Variants in PLXND1 observed in about 807,000 individuals in gnomAD.
PLXND1 encodes the protein plexin-D1.
PLXND1 carries 54 observed loss-of-function variants against 197.7 expected under a neutral mutation model. That is an observed-to-expected ratio of 0.27 (90% CI 0.22 to 0.34). PLXND1 has a LOEUF of 0.34. Ranked by LOEUF, PLXND1 falls within the 10% of genes least tolerant of loss-of-function variation. PLXND1 has a pLI of 1.00. For missense variants in PLXND1, 2,127 were observed against 2,699.2 expected, an observed-to-expected ratio of 0.79 and a Z score of 4.70; for synonymous variants, 1,180 against 1,161.2, an observed-to-expected ratio of 1.02 and a Z score of -0.33.
chr3:129,602,477 C>T (rs73863650), intron 1 of PLXND1, among the ~76,000 whole-genome samples: 1,970 of 152,320 alleles, frequency 0.013, 29 homozygotes, highest in African/African-American at 0.045. Context: ...TCTCCCTTTG[C>T]GGCACGCATT....
intron 8 of PLXND1, among the ~76,000 whole-genome samples, chr3:129,582,093 C>T (rs2085395822): frequency 6.6e-6 from 1 of 152,270 alleles, no homozygotes; most frequent in Admixed American, 6.5e-5. Flanking sequence ...GGGCTCTCCT[C>T]CAGTGCTGGA....
chr3:129,597,958 G>A (rs186880500), intron 1 of PLXND1, among the ~76,000 whole-genome samples: 5 of 152,234 alleles, frequency 3.3e-5, no homozygotes, highest in African/African-American at 9.6e-5. Context: ...TGGGGGCTCC[G>A]GGTGAGCGCC....
chr3:129,585,913 C>T, intron 5 of PLXND1, 39 bp downstream of exon 5: 1 of 1,612,488 alleles, frequency 6.2e-7, no homozygotes, highest in Non-Finnish European at 8.5e-7. Flanking sequence ...GGAGGCTCCC[C>T]TGTGTCCCGA....
At chr3:129,564,328 C>T (rs1463275008) in intron 25 of PLXND1, among the ~76,000 whole-genome samples, 1 of 152,254 alleles carries the variant, frequency 6.6e-6, no homozygotes, top group African/African-American at 2.4e-5. Flanking sequence ...CACAGCTGGG[C>T]TGTGCCAAAG....
Position 129,561,866 on chromosome 3 carries a change from C to T in PLXND1, c.4863G>A (p.Arg1621=). The change falls in exon 28 of 36, where the codon CGG becomes CGA. Residue 1621 remains arginine, a synonymous_variant. Coordinates refer to ENST00000324093, the MANE Select transcript of PLXND1 (RefSeq NM_015103.3). ...FASSTQSYIL[R]DLDDTSVVED... ...CCACCACTGAGGTGTCGTCCAGGTC[C>T]CGAAGGATGTAGCTCTGTGTGCTGG... 1 of 1,613,976 alleles carries T rather than the reference C, an allele frequency of 6.2e-7. No individual in the cohort carries two copies. Among genetic ancestry groups the T allele is most frequent in the Non-Finnish European group, 8.5e-7 (1 of 1,179,938 alleles).
intron 1 of PLXND1, among the ~76,000 whole-genome samples, chr3:129,594,394 G>A (rs2085590628): frequency 6.6e-6 from 1 of 152,188 alleles, no homozygotes; most frequent in African/African-American, 2.4e-5. Context: ...GGACGTGGAA[G>A]GATCGCCTGA....
chr3:129,592,692 A>G (rs2085562660), intron 1 of PLXND1, among the ~76,000 whole-genome samples: 1 of 149,732 alleles, frequency 6.7e-6, no homozygotes, highest in Admixed American at 6.7e-5. Flanking sequence ...CCTTTCCCCC[A>G]GCGTTTTTTC....
rs1011642987 is a variant in PLXND1 at position 129,558,651 on chromosome 3, A to G, written c.5298-76T>C. Reference sequence around the variant, plus strand: ...GTCGAGGGACAGTTGTGGAGGAGAGAGCTGGCTTTGTCCCTCAAGGGCCTG... The same window carrying G: ...GTCGAGGGACAGTTGTGGAGGAGAGGGCTGGCTTTGTCCCTCAAGGGCCTG... On this transcript the variant is annotated intron_variant, in intron 32 of 35. Transcript: ENST00000324093. This position sits in a 1 kb window ranked among gnomAD's most constrained non-coding sequence, Gnocchi z 4.1. 80 of 1,453,094 alleles carry G rather than the reference A, an allele frequency of 5.5e-5. No individual in the cohort carries two copies. The highest frequency in any genetic ancestry group is 1.8e-5 in the Admixed American group (1 of 56,714). The allele number at this position is 1,453,094 out of a possible 1,614,324, so 90.0% of individuals were successfully genotyped here.
chr3:129,564,570 C>T (rs1251198861), intron 25 of PLXND1, among the ~76,000 whole-genome samples: 2 of 152,242 alleles, frequency 1.3e-5, no homozygotes, highest in African/African-American at 2.4e-5. Flanking sequence ...ATCCTCCAGG[C>T]AGCCCTCTAG....
At position 129,565,886 on chromosome 3, in the gene PLXND1, C is replaced by T; in HGVS notation, c.4322+1G>A. The T allele has an allele frequency of 6.2e-7, 1 of 1,614,018 alleles. No homozygotes were observed. The highest frequency in any genetic ancestry group is 2.2e-5 in the East Asian group (1 of 44,884). ...CCCACCCCAGTCTGTCACAGCCTGA[C>T]CTGTCGCGCACCGCAAAGTCCTTCT... On this transcript the variant is annotated splice_donor_variant, in intron 24 of 35. Transcript: ENST00000324093. LOFTEE classifies it high-confidence loss of function.
At chr3:129,562,101 C>T (rs6439186) in intron 27 of PLXND1, among the ~76,000 whole-genome samples, 198 bp from the exon 28 acceptor site, 22,163 of 151,968 alleles carry the variant, frequency 0.15, 1,892 homozygotes, top group African/African-American at 0.24. Context: ...TGTGAGGGTA[C>T]AAAGAGAAGG....
At chr3:129,589,326 T>G in intron 2 of PLXND1, 25 bp downstream of exon 2, 9 of 466,580 alleles carry the variant, frequency 1.9e-5, no homozygotes, top group Non-Finnish European at 3.3e-5. Context: ...CCCCACCCCC[T>G]CCCCACATCC....
chr3:129,580,155 C>T (rs761130733), intron 8 of PLXND1, among the ~76,000 whole-genome samples: 1 of 152,160 alleles, frequency 6.6e-6, no homozygotes, highest in Admixed American at 6.5e-5. Context: ...CAGGAAGGCT[C>T]CAGTTGTCCA....
chr3:129,559,890 G>A, intron 31 of PLXND1, 107 bp from the exon 32 acceptor site: 1 of 968,742 alleles, frequency 1.0e-6, no homozygotes. Flanking sequence ...GCTGAATGAG[G>A]AAGCCACATG....
At chr3:129,592,270 C>T (rs763023359) in intron 1 of PLXND1, among the ~76,000 whole-genome samples, 3 of 152,212 alleles carry the variant, frequency 2.0e-5, no homozygotes, top group African/African-American at 7.2e-5. Flanking sequence ...AGCAATCCTG[C>T]AGCTGCAGGG....
chr3:129,560,024 C>T (rs752009606), intron 31 of PLXND1, among the ~76,000 whole-genome samples: 11 of 152,208 alleles, frequency 7.2e-5, no homozygotes, highest in East Asian at 1.9e-4. Context: ...TGTGGGGTGC[C>T]GGCGCTGCCA....
Position 129,558,554 on chromosome 3 carries a change from C to T in PLXND1, c.5319G>A (p.Val1773=), listed in dbSNP as rs1326590752. 6.2e-7 allele frequency: 1 copy of T among 1,613,964 alleles called. No individual in the cohort carries two copies. The highest frequency in any genetic ancestry group is 8.5e-7 in the Non-Finnish European group (1 of 1,179,958). The change falls in exon 33 of 36, where the codon GTG becomes GTA. Residue 1773 remains valine (V), a synonymous_variant. Coordinates refer to ENST00000324093, the MANE Select transcript of PLXND1 (RefSeq NM_015103.3). This position sits in a 1 kb window ranked among gnomAD's most constrained non-coding sequence, Gnocchi z 4.1. The part of the protein sequence containing the change: ...KTNSLPLRFW[V]NILKNPQFVF... ...CAAACTGGGGGTTCTTCAGGATGTT[C>T]ACCCAGAACCGGAGAGGAAGGCTGT... is the stretch of plus-strand genomic sequence containing the variant.
At position 129,606,417 on chromosome 3, in the gene PLXND1, C is replaced by G; in HGVS notation, c.223G>C (p.Ala75Pro). Residue 75 changes from alanine (A) to proline (P), a missense_variant, in exon 1 of 36, where the codon GCC (alanine) becomes CCC (proline). Transcript: ENST00000324093. Reference sequence around the variant, plus strand: ...GACAGCTGATAGAGGCGGTTGACGGCCGCCAGGTACACGGTCCCCGCCGCG... The same window carrying G: ...GACAGCTGATAGAGGCGGTTGACGGGCGCCAGGTACACGGTCCCCGCCGCG... ...DGAAGTVYLA[A>P]VNRLYQLSGA... 6.8e-7 allele frequency: 1 copy of G among 1,472,092 alleles called. No individual in the cohort carries two copies. The highest frequency in any genetic ancestry group is 1.3e-5 in the South Asian group (1 of 74,616). 91.2% of individuals were successfully genotyped at this position (1,472,092 alleles called of 1,614,324 possible).
intron 1 of PLXND1, among the ~76,000 whole-genome samples, chr3:129,595,921 GCACACACA>G (rs57098603): frequency 6.8e-6 from 1 of 146,410 alleles, no homozygotes; most frequent in South Asian, 2.2e-4. Context: ...GTGCACGCAC[GCACACACA>G]CACACACACA....
Sources: allele counts gnomAD v4.1 joint callset (sites outside exome capture counted in the v4.1 genomes callset), GRCh38; gene constraint gnomAD v4.1.1; non-coding constraint Gnocchi (gnomAD v3.1); transcripts MANE v1.5; gene names NCBI Gene and HGNC (gene_info 2026-07-23, HGNC 2026-07-21).